Variants in TBC1D12 observed in about 807,000 individuals in gnomAD.
TBC1D12 encodes TBC1 domain family, member 12.
Under a neutral mutation model 86.7 loss-of-function variants are expected in TBC1D12, and 56 were observed. The observed-to-expected ratio is 0.65, with a 90% CI of 0.52 to 0.81. TBC1D12 has a LOEUF of 0.81. Ranked by LOEUF, TBC1D12 falls within the 30% of genes least tolerant of loss-of-function variation. The pLI is 0.00. For missense variants in TBC1D12, 1,023 were observed against 1,038.8 expected, an observed-to-expected ratio of 0.98 and a Z score of 0.21; for synonymous variants, 421 against 411.7, an observed-to-expected ratio of 1.02 and a Z score of -0.27.
intron 3 of TBC1D12, among the ~76,000 whole-genome samples, chr10:94,484,559 A>T (rs2056132504): frequency 6.6e-6 from 1 of 152,132 alleles, no homozygotes; most frequent in African/African-American, 2.4e-5. Context: ...CTTTTTGCTC[A>T]AAATAGCTTT....
chr10:94,515,203 G>A (rs1006930626), intron 9 of TBC1D12, among the ~76,000 whole-genome samples: 5 of 151,542 alleles, frequency 3.3e-5, no homozygotes, highest in Non-Finnish European at 5.9e-5. Flanking sequence ...CACCGCGCCC[G>A]GCCGCAAGTT....
At chr10:94,463,832 T>C (rs944409771) in intron 2 of TBC1D12, among the ~76,000 whole-genome samples, 2 of 152,226 alleles carry the variant, frequency 1.3e-5, no homozygotes, top group Non-Finnish European at 2.9e-5. Context: ...TTAAATTTTT[T>C]ATATTTTTTA....
intron 6 of TBC1D12, 25 bp from the exon 7 acceptor site, chr10:94,507,242 T>C (rs1424782247): frequency 5.0e-6 from 8 of 1,596,822 alleles, no homozygotes; most frequent in Non-Finnish European, 6.0e-6. Flanking sequence ...TATTCATACA[T>C]TTTTGTTCTC....
chr10:94,457,776 T>C (rs1340841756), intron 2 of TBC1D12, among the ~76,000 whole-genome samples: 1 of 152,214 alleles, frequency 6.6e-6, no homozygotes, highest in Non-Finnish European at 1.5e-5. Flanking sequence ...TCCCATTTCT[T>C]AGCATATCAG....
At position 94,533,382 on chromosome 10, in the gene TBC1D12, T is replaced by C. The variant is rs959211417; in HGVS notation, c.*286T>C. The C allele has an allele frequency of 4.2e-6, 1 of 240,200 alleles. No individual in the cohort carries two copies. The highest frequency in any genetic ancestry group is 7.9e-6 in the Non-Finnish European group (1 of 125,898). 14.9% of individuals were successfully genotyped at this position (240,200 alleles called of 1,614,324 possible). On this transcript the variant is annotated 3_prime_UTR_variant, in exon 13 of 13. Coordinates refer to ENST00000225235, the MANE Select transcript of TBC1D12 (RefSeq NM_015188.2). The stretch of plus-strand genomic sequence containing the variant: ...GAGTAAACAAAATGCAATAAATTTT[T>C]AAAATAGCTTTGAAGATACTTCAAA...
intron 11 of TBC1D12, among the ~76,000 whole-genome samples, chr10:94,525,825 A>T (rs907917901): frequency 1.3e-5 from 2 of 151,988 alleles, no homozygotes; most frequent in Non-Finnish European, 2.9e-5. Flanking sequence ...TTTTTAGTTG[A>T]CACATAATAA....
intron 1 of TBC1D12, among the ~76,000 whole-genome samples, chr10:94,420,941 C>A (rs1474212979): frequency 2.0e-5 from 3 of 152,256 alleles, no homozygotes; most frequent in Non-Finnish European, 4.4e-5. Context: ...GTGGAATAAT[C>A]AAATCAGTCT....
chr10:94,432,591 A>G (rs2055232400), intron 1 of TBC1D12, among the ~76,000 whole-genome samples: 1 of 152,180 alleles, frequency 6.6e-6, no homozygotes, highest in Admixed American at 6.5e-5. Context: ...TAGCAACTGG[A>G]TACCTGTGGG....
At chr10:94,492,406 C>T (rs1023828244) in intron 3 of TBC1D12, among the ~76,000 whole-genome samples, 6 of 152,152 alleles carry the variant, frequency 3.9e-5, no homozygotes, top group Non-Finnish European at 8.8e-5. Flanking sequence ...TCCACACTTA[C>T]TATATAACCC....
intron 2 of TBC1D12, among the ~76,000 whole-genome samples, chr10:94,465,923 T>C (rs1216267594): frequency 6.6e-6 from 1 of 150,902 alleles, no homozygotes; most frequent in African/African-American, 2.4e-5. Context: ...TATACGTATA[T>C]ATGCGTATAT....
At chr10:94,479,436 T>G (rs1221833957) in intron 3 of TBC1D12, among the ~76,000 whole-genome samples, 2 of 152,152 alleles carry the variant, frequency 1.3e-5, no homozygotes. Flanking sequence ...ATCTTCACAA[T>G]TCTTTGTAAT....
Position 94,402,646 on chromosome 10 carries a change from G to C in TBC1D12, c.33G>C (p.Ser11=), listed in dbSNP as rs1449710342. 1 of 1,611,550 alleles carries C rather than the reference G, an allele frequency of 6.2e-7. No homozygotes were observed. The highest frequency in any genetic ancestry group is 8.5e-7 in the Non-Finnish European group (1 of 1,179,584). The part of the protein sequence containing the change: MVGPEDAGAC[S]GRNPKLLPVP... Reference sequence around the variant, plus strand: ...GTCCGGAGGATGCCGGAGCCTGCTCGGGAAGAAACCCCAAGTTGCTCCCGG... The same window carrying C: ...GTCCGGAGGATGCCGGAGCCTGCTCCGGAAGAAACCCCAAGTTGCTCCCGG... The change falls in exon 1 of 13, where the codon TCG becomes TCC. Residue 11 remains serine, a synonymous_variant. Transcript: ENST00000225235.
chr10:94,484,428 C>A (rs560617108), intron 3 of TBC1D12, among the ~76,000 whole-genome samples: 1 of 151,766 alleles, frequency 6.6e-6, no homozygotes, highest in Non-Finnish European at 1.5e-5. Flanking sequence ...TTAGTAGAGA[C>A]GGGGTTTCTC....
intron 2 of TBC1D12, among the ~76,000 whole-genome samples, chr10:94,458,620 GGTGT>G (rs1172006845): frequency 6.6e-6 from 1 of 152,074 alleles, no homozygotes; most frequent in Non-Finnish European, 1.5e-5. Context: ...TCTTAAAGAT[GGTGT>G]GTCCGGAATT....
intron 3 of TBC1D12, among the ~76,000 whole-genome samples, chr10:94,488,765 T>C (rs2056205911): frequency 6.6e-6 from 1 of 151,958 alleles, no homozygotes; most frequent in Non-Finnish European, 1.5e-5. Context: ...GCAGGTTCAC[T>C]TCTATTCTAG....
At chr10:94,502,689 C>T (rs990549778) in intron 6 of TBC1D12, among the ~76,000 whole-genome samples, 1 of 152,118 alleles carries the variant, frequency 6.6e-6, no homozygotes, top group Admixed American at 6.6e-5. Flanking sequence ...GAGACCCTGT[C>T]TCTAAATAAA....
intron 2 of TBC1D12, among the ~76,000 whole-genome samples, chr10:94,464,248 T>C (rs1024122522): frequency 2.0e-5 from 3 of 152,238 alleles, no homozygotes; most frequent in Non-Finnish European, 4.4e-5. Context: ...ATTATTGATA[T>C]GATCAGATTT....
intron 9 of TBC1D12, among the ~76,000 whole-genome samples, chr10:94,515,287 A>G (rs1302955769): frequency 1.3e-5 from 2 of 151,808 alleles, no homozygotes; most frequent in East Asian, 3.9e-4. Flanking sequence ...GTCCCCGCTT[A>G]TCCTCAGGGG....
At chr10:94,416,339 A>T (rs990993606) in intron 1 of TBC1D12, among the ~76,000 whole-genome samples, 2 of 152,120 alleles carry the variant, frequency 1.3e-5, no homozygotes, top group African/African-American at 4.8e-5. Context: ...GAATTCTTTT[A>T]CTAATTTGGA....
Sources: allele counts gnomAD v4.1 joint callset (sites outside exome capture counted in the v4.1 genomes callset), GRCh38; gene constraint gnomAD v4.1.1; transcripts MANE v1.5; gene names NCBI Gene and HGNC (gene_info 2026-07-23, HGNC 2026-07-21).